The following LRBA variants were observed in gnomAD, a reference collection of about 807,000 sequenced individuals.
LRBA encodes the protein lipopolysaccharide-responsive and beige-like anchor protein.
Under a neutral mutation model 330.0 loss-of-function variants are expected in LRBA, and 176 were observed. The observed-to-expected ratio is 0.53, with a 90% CI of 0.47 to 0.60. LRBA has a LOEUF of 0.60. Ranked by LOEUF, LRBA falls within the 20% of genes least tolerant of loss-of-function variation. The probability of loss-of-function intolerance (pLI) is 0.00; values close to 1 mark genes in which losing one functional copy is unlikely to be tolerated. For synonymous variants in LRBA, 1,230 were observed against 1,193.0 expected, an observed-to-expected ratio of 1.03 and a Z score of -0.64; for missense variants, 3,259 against 3,444.8, an observed-to-expected ratio of 0.95 and a Z score of 1.35.
intron 37 of LRBA, among the ~76,000 whole-genome samples, chr4:150,644,873 T>C (rs1439308205): frequency 1.3e-5 from 2 of 151,826 alleles, no homozygotes; most frequent in Middle Eastern, 3.2e-3. Flanking sequence ...ACAAAGTTTG[T>C]GAAAATATAC....
chr4:150,349,422 G>C (rs1418020015), intron 48 of LRBA, among the ~76,000 whole-genome samples: 1 of 152,156 alleles, frequency 6.6e-6, no homozygotes, highest in Admixed American at 6.5e-5. Flanking sequence ...ACTAAAAAAA[G>C]TAAGGTCTTC....
intron 43 of LRBA, 88 bp from the exon 44 acceptor site, chr4:150,467,873 A>C: frequency 3.4e-6 from 2 of 583,632 alleles, no homozygotes; most frequent in Non-Finnish European, 5.9e-6. Flanking sequence ...AATAAGATTA[A>C]ACAATTTTTG....
intron 17 of LRBA, among the ~76,000 whole-genome samples, chr4:150,888,672 G>A (rs1487423069): frequency 6.6e-6 from 1 of 151,966 alleles, no homozygotes; most frequent in African/African-American, 2.4e-5. Flanking sequence ...TATAAATTTT[G>A]AGAATATTTT....
chr4:150,557,181 A>C (rs959978318), intron 40 of LRBA, among the ~76,000 whole-genome samples: 1 of 152,184 alleles, frequency 6.6e-6, no homozygotes. Flanking sequence ...CATAAGAACA[A>C]GCTTGAAAGG....
intron 36 of LRBA, among the ~76,000 whole-genome samples, chr4:150,731,607 G>T (rs62346305): frequency 0.088 from 13,451 of 152,062 alleles, 1,033 homozygotes; most frequent in African/African-American, 0.22. Flanking sequence ...AATTGAACTT[G>T]TTCAGTTGAA....
At chr4:150,723,671 A>G (rs1459910743) in intron 36 of LRBA, among the ~76,000 whole-genome samples, 1 of 152,222 alleles carries the variant, frequency 6.6e-6, no homozygotes, top group Non-Finnish European at 1.5e-5. Context: ...ATGTTTCAGA[A>G]AAGCAGAGGG....
At chr4:150,740,422 C>A (rs1731788913) in intron 35 of LRBA, among the ~76,000 whole-genome samples, 1 of 151,220 alleles carries the variant, frequency 6.6e-6, no homozygotes. Flanking sequence ...CTGAAAAAAT[C>A]CAAAAGAAAA....
intron 2 of LRBA, among the ~76,000 whole-genome samples, chr4:151,003,510 A>G (rs921312099): frequency 6.6e-6 from 1 of 152,142 alleles, no homozygotes; most frequent in African/African-American, 2.4e-5. Flanking sequence ...CTACTTGACA[A>G]GATGTATATC....
intron 56 of LRBA, among the ~76,000 whole-genome samples, chr4:150,270,759 C>T (rs1354221854): frequency 2.0e-5 from 3 of 152,134 alleles, no homozygotes; most frequent in African/African-American, 7.2e-5. Flanking sequence ...ATGATCCCCC[C>T]AAAATCTACC....
chr4:150,467,911 T>A, intron 43 of LRBA, 126 bp from the exon 44 acceptor site: 1 of 505,906 alleles, frequency 2.0e-6, no homozygotes, highest in Non-Finnish European at 3.6e-6. Flanking sequence ...TCAGTATCCA[T>A]ACTTTCTCTC....
chr4:150,599,177 G>A (rs1773845307), intron 37 of LRBA, 46 bp from the exon 38 acceptor site: 2 of 1,604,696 alleles, frequency 1.2e-6, no homozygotes, highest in Non-Finnish European at 1.7e-6. Flanking sequence ...TTATCAAACA[G>A]CGTGGTAGCA....
intron 40 of LRBA, among the ~76,000 whole-genome samples, chr4:150,502,287 T>C (rs771001871): frequency 3.3e-5 from 5 of 152,206 alleles, no homozygotes; most frequent in Admixed American, 6.5e-5. Flanking sequence ...AAGTTAGCTC[T>C]AGACTTAATG....
chr4:150,425,667 A>G (rs1420011209), intron 46 of LRBA, among the ~76,000 whole-genome samples: 1 of 152,190 alleles, frequency 6.6e-6, no homozygotes, highest in Non-Finnish European at 1.5e-5. Context: ...ATAGTCACCA[A>G]TTCTATGCAC....
At chr4:150,844,535 G>A in intron 27 of LRBA, 123 bp downstream of exon 27, 3 of 790,640 alleles carry the variant, frequency 3.8e-6, no homozygotes, top group Non-Finnish European at 3.9e-6. Flanking sequence ...TTATATGCAG[G>A]CCTAAAGTAA....
chr4:150,779,746 T>C (rs1380391673), intron 34 of LRBA, among the ~76,000 whole-genome samples: 1 of 152,192 alleles, frequency 6.6e-6, no homozygotes. Context: ...CAATCATTTC[T>C]TGAATCCACA....
chr4:150,941,174 T>C (rs1055450853), intron 2 of LRBA, among the ~76,000 whole-genome samples: 1 of 152,076 alleles, frequency 6.6e-6, no homozygotes, highest in Non-Finnish European at 1.5e-5. Flanking sequence ...TATATATATT[T>C]TGAGATGGAG....
At chr4:150,708,715 A>T (rs1242976363) in intron 36 of LRBA, among the ~76,000 whole-genome samples, 1 of 151,828 alleles carries the variant, frequency 6.6e-6, no homozygotes, top group African/African-American at 2.4e-5. Flanking sequence ...AATAAATAAT[A>T]GTTCATATGA....
chr4:150,296,584 T>C (rs1729001208), intron 53 of LRBA, among the ~76,000 whole-genome samples: 1 of 152,104 alleles, frequency 6.6e-6, no homozygotes, highest in Non-Finnish European at 1.5e-5. Flanking sequence ...CTTATAAACT[T>C]CTGCTCTGTA....
intron 53 of LRBA, among the ~76,000 whole-genome samples, chr4:150,292,052 A>G (rs1377693097): frequency 6.6e-6 from 1 of 152,218 alleles, no homozygotes; most frequent in Admixed American, 6.5e-5. Context: ...ATTAGGTGAA[A>G]TATTTTAACA....
Sources: gnomAD v4.1 joint callset for allele counts (sites outside exome capture counted in the v4.1 genomes callset) on GRCh38, gnomAD v4.1.1 for gene constraint, MANE v1.5 for transcripts, NCBI Gene and HGNC (gene_info 2026-07-23, HGNC 2026-07-21) for gene names.